The following PMEPA1 variants were observed in gnomAD, a reference collection of about 807,000 sequenced individuals.
PMEPA1 encodes prostate transmembrane protein, androgen induced 1.
A neutral mutation model predicts 23.0 loss-of-function variants in PMEPA1; 11 were observed. The ratio of observed to expected loss-of-function variants is 0.48; its 90% CI spans 0.30 to 0.79. PMEPA1 has a LOEUF of 0.79. Among genes scored for constraint, PMEPA1 ranks in the 30% least tolerant of loss-of-function variants. The pLI is 0.06. For missense variants in PMEPA1, 377 were observed against 390.9 expected, an observed-to-expected ratio of 0.96 and a Z score of 0.30; for synonymous variants, 204 against 166.4, an observed-to-expected ratio of 1.23 and a Z score of -1.74.
intron 1 of PMEPA1, chr20:57,700,238 G>A (rs2071993408): frequency 2.3e-6 from 1 of 444,364 alleles, no homozygotes; most frequent in African/African-American, 2.0e-5. Context: ...CCCTCCACAG[G>A]CCCATGCTTT....
At chr20:57,673,813 A>G (rs1332729663) in intron 1 of PMEPA1, among the ~76,000 whole-genome samples, 1 of 152,164 alleles carries the variant, frequency 6.6e-6, no homozygotes, top group Non-Finnish European at 1.5e-5. Context: ...GTGAACCTGG[A>G]TGTGGCACAC....
chr20:57,685,456 A>G (rs534380807), intron 1 of PMEPA1, among the ~76,000 whole-genome samples: 7 of 152,322 alleles, frequency 4.6e-5, no homozygotes, highest in African/African-American at 1.7e-4. Context: ...ATAACAAAGG[A>G]CTTTTTACAG....
intron 1 of PMEPA1, among the ~76,000 whole-genome samples, chr20:57,666,441 G>C (rs2071493270): frequency 6.6e-6 from 1 of 152,200 alleles, no homozygotes; most frequent in Non-Finnish European, 1.5e-5. Context: ...TGAGGAGACT[G>C]AGGCTGGGAG....
At chr20:57,653,590 G>C (rs947264070) in intron 2 of PMEPA1, among the ~76,000 whole-genome samples, 2 of 152,332 alleles carry the variant, frequency 1.3e-5, no homozygotes, top group African/African-American at 2.4e-5. Flanking sequence ...TGCTGAATTT[G>C]AATGTAAAAA....
chr20:57,658,155 G>C (rs2071353769), intron 2 of PMEPA1, among the ~76,000 whole-genome samples: 3 of 152,210 alleles, frequency 2.0e-5, no homozygotes, highest in Admixed American at 2.0e-4. Flanking sequence ...ACCCAGATCT[G>C]CCCTGTTTGC....
chr20:57,700,684 G>C (rs1204632961), intron 1 of PMEPA1, among the ~76,000 whole-genome samples: 1 of 152,136 alleles, frequency 6.6e-6, no homozygotes, highest in African/African-American at 2.4e-5. Flanking sequence ...TGCCAGTAGA[G>C]CCATTTCCCA....
chr20:57,690,241 C>T (rs2071859122), intron 1 of PMEPA1, among the ~76,000 whole-genome samples: 1 of 152,258 alleles, frequency 6.6e-6, no homozygotes, highest in African/African-American at 2.4e-5. Flanking sequence ...GACCTCACCT[C>T]TTAGCGAAGA....
intron 1 of PMEPA1, among the ~76,000 whole-genome samples, chr20:57,698,177 GTGC>G (rs2071966384): frequency 2.0e-5 from 3 of 152,210 alleles, no homozygotes; most frequent in African/African-American, 7.2e-5. Context: ...CGAGATAGGA[GTGC>G]ATTGAGCTGC....
At position 57,649,141 on chromosome 20, in the gene PMEPA1, C is replaced by A. The variant is rs2071187511; in HGVS notation, c.*2912G>T. 6.6e-6 allele frequency: 1 copy of A among 152,336 alleles called. No individual in the cohort carries two copies. Among genetic ancestry groups the A allele is most frequent in the East Asian group, 1.9e-4 (1 of 5,178 alleles). The allele number at this position is 152,336 out of a possible 1,614,324, so 9.4% of individuals were successfully genotyped here. A position where few individuals can be genotyped will look rare whatever the true frequency, so the allele number is the denominator to read the frequency against. ...CTCTGAACCAGGATGGAACGGCAGA[C>A]CCCTGAAACGAAGCTTGTCCCCTTC... On this transcript the variant is annotated 3_prime_UTR_variant, in exon 4 of 4. Coordinates refer to ENST00000341744, the MANE Select transcript of PMEPA1 (RefSeq NM_020182.5).
chr20:57,710,778 G>C, upstream of PMEPA1: 2 of 353,786 alleles, frequency 5.7e-6, no homozygotes. Context: ...AGTTCATTAA[G>C]TTTTAATTAC....
At chr20:57,710,031 G>C (rs750394917), upstream of PMEPA1, 402 of 997,840 alleles carry the variant, frequency 4.0e-4, 1 homozygote, top group Admixed American at 4.2e-4. Flanking sequence ...CGCTAGACGG[G>C]GCTGCCGGTT....
chr20:57,662,079 T>C lies in PMEPA1; in HGVS notation c.110-2382A>G, dbSNP rs4811901. Among the ~76,000 whole-genome samples, 661 of 102,522 alleles carry C rather than the reference T, an allele frequency of 6.4e-3. 11 individuals carry two copies. The highest frequency in any genetic ancestry group is 0.026 in the African/African-American group (637 of 24,340). 67.3% of individuals were successfully genotyped at this position (102,522 alleles called of 152,430 possible). A position where few individuals can be genotyped will look rare whatever the true frequency, so the allele number is the denominator to read the frequency against. On this transcript the variant is annotated intron_variant, in intron 1 of 3. Transcript: ENST00000341744. ...TCTGCACCCAGGGCTCAGCGCGCCA[T>C]TGTCTACACTGCTAATGAGCCAGTG...
chr20:57,695,612 G>C (rs1330924186), intron 1 of PMEPA1, among the ~76,000 whole-genome samples: 2 of 152,178 alleles, frequency 1.3e-5, no homozygotes, highest in South Asian at 4.1e-4. Context: ...GGCCAACATG[G>C]TGAAAACCCA....
intron 1 of PMEPA1, among the ~76,000 whole-genome samples, chr20:57,690,162 T>C (rs1035648026): frequency 5.9e-5 from 9 of 152,212 alleles, no homozygotes; most frequent in Admixed American, 3.3e-4. Context: ...GGGGCCTCCA[T>C]GTGGAACCCT....
At chr20:57,701,103 T>C (rs751238197) in intron 1 of PMEPA1, among the ~76,000 whole-genome samples, 1 of 151,474 alleles carries the variant, frequency 6.6e-6, no homozygotes, top group Non-Finnish European at 1.5e-5. Flanking sequence ...ATAGTTCGAA[T>C]CTTTCTGACA....
rs762249252 is a variant in PMEPA1 at position 57,660,517 on chromosome 20, TCAA to T, written c.110-823_110-821del. On this transcript the variant is annotated intron_variant, in intron 1 of 3. Transcript: ENST00000341744. ...ACACCCCAACACTCCTACACACACGTCAACAACGCTACATACTCCAACACTCCT... is the reference window on the plus strand; with the variant it reads ...ACACCCCAACACTCCTACACACACGTCAACGCTACATACTCCAACACTCCT... Among the ~76,000 whole-genome samples, 264 of 115,024 alleles carry T rather than the reference TCAA, an allele frequency of 2.3e-3. 9 individuals carry two copies. The highest frequency in any genetic ancestry group is 9.9e-3 in the African/African-American group (245 of 24,808). 75.5% of individuals were successfully genotyped at this position (115,024 alleles called of 152,430 possible).
At chr20:57,676,383 TCATCATGACATGGCAAAGCAGG>T (rs2071636547) in intron 1 of PMEPA1, among the ~76,000 whole-genome samples, 1 of 152,102 alleles carries the variant, frequency 6.6e-6, no homozygotes, top group Admixed American at 6.5e-5. Context: ...TAAATGGTGA[TCATCATGACATGGCAAAGCAGG>T]CATCATGACA....
Position 57,653,237 on chromosome 20 carries a change from TGGCCCTG to T in PMEPA1, c.265-158_265-152del, listed in dbSNP as rs1300988497. 8.6e-6 allele frequency: 6 copies of T among 695,662 alleles called. No homozygotes were observed. The Admixed American group carries it at 1.3e-4, about 15-fold the overall frequency. 43.1% of individuals were successfully genotyped at this position (695,662 alleles called of 1,614,324 possible). A position where few individuals can be genotyped will look rare whatever the true frequency, so the allele number is the denominator to read the frequency against. On this transcript the variant is annotated intron_variant, in intron 2 of 3. Transcript: ENST00000341744. ...CATCGGAACCAGCTTCCCCAGCCCC[TGGCCCTG>T]GGCGCTTTTCCAGGACGTGAGCGCA...
intron 1 of PMEPA1, among the ~76,000 whole-genome samples, chr20:57,698,453 T>C (rs1219412064): frequency 6.6e-6 from 1 of 152,186 alleles, no homozygotes; most frequent in Non-Finnish European, 1.5e-5. Flanking sequence ...CGAGGAGGCA[T>C]AGACACCAAT....
Sources: allele counts gnomAD v4.1 joint callset (sites outside exome capture counted in the v4.1 genomes callset), GRCh38; gene constraint gnomAD v4.1.1; transcripts MANE v1.5; gene names NCBI Gene and HGNC (gene_info 2026-07-23, HGNC 2026-07-21).